CAV1: variants seen among roughly 807,000 people sequenced by gnomAD.
CAV1 encodes caveolin 1.
In CAV1, 10 loss-of-function variants were observed where a neutral mutation model predicts 16.5. The ratio of observed to expected loss-of-function variants is 0.61; its 90% CI spans 0.37 to 1.03. CAV1 has a LOEUF of 1.03. CAV1 is among the 50% of genes least tolerant of loss of function. The pLI, the probability that CAV1 is intolerant of heterozygous loss-of-function variation, is 0.01. For missense variants in CAV1, 212 were observed against 232.8 expected, an observed-to-expected ratio of 0.91 and a Z score of 0.58; for synonymous variants, 76 against 85.1, an observed-to-expected ratio of 0.89 and a Z score of 0.59.
At chr7:116,529,224 C>T (rs373357182) in intron 2 of CAV1, among the ~76,000 whole-genome samples, 2 of 152,246 alleles carry the variant, frequency 1.3e-5, no homozygotes, top group African/African-American at 4.8e-5. Context: ...TAGCTTAAAA[C>T]TTCACATAAT....
At chr7:116,529,019 G>A (rs1442327546) in intron 2 of CAV1, among the ~76,000 whole-genome samples, 1 of 151,908 alleles carries the variant, frequency 6.6e-6, no homozygotes, top group African/African-American at 2.4e-5. Context: ...TAGTGGAGAC[G>A]GGGTTTCACC....
intron 1 of CAV1, 89 bp downstream of exon 1, chr7:116,525,181 T>TG: frequency 6.2e-7 from 1 of 1,612,616 alleles, no homozygotes; most frequent in Non-Finnish European, 8.5e-7. Flanking sequence ...ACTGCTGCCC[T>TG]GGCCCCAGCC....
chr7:116,546,700 A>C (rs1012370601), intron 2 of CAV1, among the ~76,000 whole-genome samples: 3 of 148,144 alleles, frequency 2.0e-5, no homozygotes, highest in Non-Finnish European at 4.5e-5. Context: ...TCTGTCACAA[A>C]AAAAAAAAAA....
At chr7:116,532,754 G>T (rs56063232) in intron 2 of CAV1, among the ~76,000 whole-genome samples, 16,336 of 152,236 alleles carry the variant, frequency 0.11, 1,115 homozygotes, top group East Asian at 0.17. Flanking sequence ...TTTTGTAACT[G>T]TCTTCTCTAA....
intron 2 of CAV1, among the ~76,000 whole-genome samples, chr7:116,547,443 A>G (rs554214123): frequency 6.6e-6 from 1 of 152,332 alleles, no homozygotes; most frequent in South Asian, 2.1e-4. Context: ...ATTAATCCAA[A>G]GCAAAGAGAG....
intron 2 of CAV1, among the ~76,000 whole-genome samples, chr7:116,532,309 A>G (rs986519569): frequency 6.6e-6 from 1 of 152,250 alleles, no homozygotes; most frequent in Admixed American, 6.5e-5. Context: ...ATAAAATAAC[A>G]GACACTTTCA....
intron 2 of CAV1, among the ~76,000 whole-genome samples, chr7:116,536,979 C>G (rs1034543583): frequency 2.4e-5 from 3 of 125,702 alleles, no homozygotes; most frequent in African/African-American, 8.8e-5. Context: ...GTCCGCAGTC[C>G]GGCCTGGGCA....
intron 2 of CAV1, 114 bp from the exon 3 acceptor site, chr7:116,558,832 C>A: frequency 1.3e-6 from 1 of 797,914 alleles, no homozygotes; most frequent in Non-Finnish European, 2.1e-6. Context: ...AAGCATCTCA[C>A]AAAGAACGAA....
chr7:116,537,530 G>A (rs145293831), intron 2 of CAV1, among the ~76,000 whole-genome samples: 187 of 152,294 alleles, frequency 1.2e-3, no homozygotes, highest in Non-Finnish European at 2.1e-3. Flanking sequence ...AACAACACAG[G>A]CAGGAAGTGG....
At chr7:116,542,960 T>G (rs1213559560) in intron 2 of CAV1, 1 of 152,188 alleles carries the variant, frequency 6.6e-6, no homozygotes, top group Non-Finnish European at 1.5e-5. Context: ...CATCATTCTT[T>G]CTCCAGTTCC....
intron 2 of CAV1, among the ~76,000 whole-genome samples, chr7:116,528,043 C>T (rs1793604944): frequency 6.6e-6 from 1 of 152,034 alleles, no homozygotes; most frequent in Non-Finnish European, 1.5e-5. Flanking sequence ...TTACTAAAAA[C>T]ATTACCTTAA....
chr7:116,529,930 CAT>C (rs1365500422), intron 2 of CAV1, among the ~76,000 whole-genome samples: 1 of 152,172 alleles, frequency 6.6e-6, no homozygotes, highest in African/African-American at 2.4e-5. Context: ...TTGTTATTCA[CAT>C]GTTTATTATG....
intron 2 of CAV1, among the ~76,000 whole-genome samples, chr7:116,533,397 TAAAATAAAATAA>T (rs1173458773): frequency 5.2e-5 from 7 of 135,462 alleles, no homozygotes; most frequent in African/African-American, 1.9e-4. Flanking sequence ...TAAAATAAAA[TAAAATAAAATAA>T]AAATAAAATG....
intron 2 of CAV1, among the ~76,000 whole-genome samples, chr7:116,532,484 C>T (rs1463278642): frequency 6.6e-6 from 1 of 152,188 alleles, no homozygotes; most frequent in South Asian, 2.1e-4. Context: ...TTGAGGGCTG[C>T]TGTCTTTATA....
chr7:116,543,537 C>G (rs373672107), intron 2 of CAV1, among the ~76,000 whole-genome samples: 42 of 152,202 alleles, frequency 2.8e-4, no homozygotes, highest in African/African-American at 9.2e-4. Flanking sequence ...TCCTTGCCAC[C>G]AAATTGGCTG....
chr7:116,553,236 A>C (rs1455704237), intron 2 of CAV1, among the ~76,000 whole-genome samples: 4 of 152,122 alleles, frequency 2.6e-5, no homozygotes, highest in Admixed American at 2.6e-4. Flanking sequence ...CTTCAGATAC[A>C]TTGAACAGAA....
intron 2 of CAV1, among the ~76,000 whole-genome samples, chr7:116,531,056 G>A (rs1793678634): frequency 6.6e-6 from 1 of 152,182 alleles, no homozygotes; most frequent in Non-Finnish European, 1.5e-5. Context: ...AGAATTTGAA[G>A]GGATCATCAT....
At chr7:116,550,640 G>A (rs1584781981) in intron 2 of CAV1, among the ~76,000 whole-genome samples, 1 of 152,088 alleles carries the variant, frequency 6.6e-6, no homozygotes, top group South Asian at 2.1e-4. Flanking sequence ...TTATTCCACT[G>A]ACTTCAAAGG....
chr7:116,559,195 T>G lies in CAV1; in HGVS notation c.445T>G (p.Ser149Ala). The G allele has an allele frequency of 1.2e-6, 2 of 1,614,034 alleles. No homozygotes were observed. Among genetic ancestry groups the G allele is most frequent in the South Asian group, 2.2e-5 (2 of 91,088 alleles). ...IEIQCISRVY[S>A]IYVHTVCDPL... ...GATTCAGTGCATCAGCCGTGTCTAT[T>G]CCATCTACGTCCACACCGTCTGTGA... Residue 149 changes from serine (S) to alanine (A), a missense_variant, in exon 3 of 3, where the codon TCC (serine) becomes GCC (alanine). By Grantham distance (99) the Ser-to-Ala change is moderately conservative (BLOSUM62 1). Coordinates refer to ENST00000341049, the MANE Select transcript of CAV1 (RefSeq NM_001753.5).
Sources: allele counts gnomAD v4.1 joint callset (sites outside exome capture counted in the v4.1 genomes callset), GRCh38; gene constraint gnomAD v4.1.1; transcripts MANE v1.5; gene names NCBI Gene and HGNC (gene_info 2026-07-23, HGNC 2026-07-21).